Variants in TRHDE observed in about 807,000 individuals in gnomAD.
TRHDE encodes thyrotropin-releasing hormone-degrading ectoenzyme.
In TRHDE, 72 loss-of-function variants were observed where a neutral mutation model predicts 125.7. The observed-to-expected ratio is 0.57, with a 90% CI of 0.47 to 0.70. The LOEUF (loss-of-function observed/expected upper bound fraction) is 0.70. Among genes scored for constraint, TRHDE ranks in the 30% least tolerant of loss-of-function variants. The probability of loss-of-function intolerance (pLI) is 0.00; values close to 1 mark genes in which losing one functional copy is unlikely to be tolerated. For synonymous variants in TRHDE, 509 were observed against 509.1 expected (o/e 1.00, Z 0.00); for missense variants, 1,110 against 1,327.1 (o/e 0.84, Z 2.54).
intron 2 of TRHDE, among the ~76,000 whole-genome samples, chr12:72,185,335 C>T (rs1458726310): frequency 1.3e-5 from 2 of 152,244 alleles, no homozygotes; most frequent in East Asian, 3.9e-4. Flanking sequence ...CCACCCACTC[C>T]ATGGGCTCCT....
intron 2 of TRHDE, among the ~76,000 whole-genome samples, chr12:72,224,365 T>A (rs1209065918): frequency 6.6e-6 from 1 of 152,026 alleles, no homozygotes; most frequent in Admixed American, 6.6e-5. Context: ...GGGCTATAGG[T>A]TGTGGTGCTC....
chr12:72,367,171 C>T (rs1018741302), intron 2 of TRHDE, among the ~76,000 whole-genome samples: 9 of 152,110 alleles, frequency 5.9e-5, no homozygotes, highest in Non-Finnish European at 1.3e-4. Flanking sequence ...GTGCCTGTTA[C>T]TGGCTGTTCT....
At chr12:72,208,896 C>G (rs561140876) in intron 2 of TRHDE, among the ~76,000 whole-genome samples, 1 of 152,228 alleles carries the variant, frequency 6.6e-6, no homozygotes, top group South Asian at 2.1e-4. Context: ...GTTAAAACAT[C>G]CCACTCTTCT....
chr12:72,281,648 A>G (rs1181985762), intron 1 of TRHDE, among the ~76,000 whole-genome samples: 1 of 152,226 alleles, frequency 6.6e-6, no homozygotes, highest in Non-Finnish European at 1.5e-5. Flanking sequence ...TTCCACAGTG[A>G]AATGCCATGA....
At chr12:72,521,868 G>C (rs933002173) in intron 6 of TRHDE, among the ~76,000 whole-genome samples, 9 of 151,158 alleles carry the variant, frequency 6.0e-5, no homozygotes, top group African/African-American at 2.2e-4. Flanking sequence ...GTAAAAGCAA[G>C]AGTTTTAAGT....
chr12:72,521,004 C>G (rs1270195630), intron 6 of TRHDE, among the ~76,000 whole-genome samples: 4 of 152,162 alleles, frequency 2.6e-5, no homozygotes, highest in Admixed American at 2.6e-4. Flanking sequence ...TTGGCCCAGA[C>G]TCATAATAGC....
intron 12 of TRHDE, among the ~76,000 whole-genome samples, chr12:72,603,180 G>C (rs1229392323): frequency 2.0e-5 from 3 of 152,106 alleles, no homozygotes; most frequent in Non-Finnish European, 4.4e-5. Flanking sequence ...AAGAAAGAAA[G>C]CCATGTTAGA....
chr12:72,663,176 G>A lies in TRHDE; in HGVS notation c.3191G>A (p.Gly1064Glu), dbSNP rs147640323. The A allele has an allele frequency of 6.8e-4, 1,101 of 1,612,330 alleles. 2 individuals carry two copies. Among genetic ancestry groups the A allele is most frequent in the Middle Eastern group, 2.8e-3 (17 of 6,046 alleles). The change falls in exon 19 of 19, where the codon GGA (glycine) becomes GAA (glutamate). Residue 1064 changes from glycine to glutamate, a missense_variant. Around this residue, in one of 5 missense-constraint regions of TRHDE, gnomAD observed 527 missense variants for 651.8 expected, o/e 0.81. Coordinates refer to ENST00000261180, the MANE Select transcript of TRHDE (RefSeq NM_013381.3). The part of the protein sequence containing the change: ...LYQDELFQWL[G>E]KALRH ...CAAGACGAGCTTTTCCAATGGTTAG[G>A]AAAAGCTCTAAGACACTAATATATG...
At chr12:72,240,229 C>T (rs1474973449) in intron 2 of TRHDE, among the ~76,000 whole-genome samples, 1 of 150,914 alleles carries the variant, frequency 6.6e-6, no homozygotes, top group Non-Finnish European at 1.5e-5. Context: ...TTGGGAAATA[C>T]ATATGCACGG....
At chr12:72,654,745 A>G (rs756803224) in intron 17 of TRHDE, among the ~76,000 whole-genome samples, 2 of 152,076 alleles carry the variant, frequency 1.3e-5, no homozygotes, top group African/African-American at 2.4e-5. Context: ...GGTTATATCA[A>G]TTTAACATTT....
intron 6 of TRHDE, among the ~76,000 whole-genome samples, chr12:72,529,785 T>C (rs1868447621): frequency 6.6e-6 from 1 of 152,194 alleles, no homozygotes; most frequent in South Asian, 2.1e-4. Context: ...ACACACCTAA[T>C]GCCTACTTCT....
intron 2 of TRHDE, among the ~76,000 whole-genome samples, chr12:72,250,413 C>T (rs574746843): frequency 1.2e-4 from 19 of 152,240 alleles, no homozygotes; most frequent in African/African-American, 4.1e-4. Context: ...AGGAGGATCA[C>T]GCTGGCTTCA....
chr12:72,152,171 G>A (rs1006656313), intron 2 of TRHDE, among the ~76,000 whole-genome samples: 1 of 150,514 alleles, frequency 6.6e-6, no homozygotes, highest in Non-Finnish European at 1.5e-5. Flanking sequence ...GTGAATGGGA[G>A]TTCACTCATG....
At chr12:72,386,551 T>C (rs1459705004) in intron 3 of TRHDE, among the ~76,000 whole-genome samples, 1 of 152,160 alleles carries the variant, frequency 6.6e-6, no homozygotes, top group East Asian at 1.9e-4. Flanking sequence ...ATTAAAAATA[T>C]GGTGCTATTT....
At chr12:72,203,392 C>T (rs1454692882) in intron 2 of TRHDE, among the ~76,000 whole-genome samples, 1 of 152,108 alleles carries the variant, frequency 6.6e-6, no homozygotes, top group Non-Finnish European at 1.5e-5. Context: ...GGCGTGAGCC[C>T]AGGAGGCGGA....
At chr12:72,452,307 A>G (rs1875618657) in intron 3 of TRHDE, among the ~76,000 whole-genome samples, 1 of 152,038 alleles carries the variant, frequency 6.6e-6, no homozygotes, top group Admixed American at 6.6e-5. Flanking sequence ...CTGCAACTTT[A>G]CTGAATTCAT....
At chr12:72,239,825 T>G (rs1297456326) in intron 2 of TRHDE, among the ~76,000 whole-genome samples, 1 of 152,196 alleles carries the variant, frequency 6.6e-6, no homozygotes, top group African/African-American at 2.4e-5. Flanking sequence ...AGATCAAGTC[T>G]GAGGACACAG....
chr12:72,424,159 T>C (rs1443165424), intron 3 of TRHDE, among the ~76,000 whole-genome samples: 1 of 152,178 alleles, frequency 6.6e-6, no homozygotes, highest in African/African-American at 2.4e-5. Flanking sequence ...GCATCCATGC[T>C]CTGAGACTCT....
chr12:72,295,556 GAC>G (rs142180260), intron 2 of TRHDE, among the ~76,000 whole-genome samples: 2,493 of 152,170 alleles, frequency 0.016, 64 homozygotes, highest in African/African-American at 0.057. Context: ...CAATAGGAAG[GAC>G]ACACACAATT....
Sources: allele counts gnomAD v4.1 joint callset (sites outside exome capture counted in the v4.1 genomes callset), GRCh38; gene constraint gnomAD v4.1.1; regional missense constraint gnomAD v4.1.1; transcripts MANE v1.5; gene names NCBI Gene and HGNC (gene_info 2026-07-23, HGNC 2026-07-21).